KCNQ5: variants seen among roughly 807,000 people sequenced by gnomAD.
The protein encoded by KCNQ5 is potassium voltage-gated channel subfamily Q member 5.
Under a neutral mutation model 98.2 loss-of-function variants are expected in KCNQ5, and 30 were observed. The observed-to-expected ratio is 0.31, with a 90% CI of 0.23 to 0.41. The LOEUF is 0.41. KCNQ5 is among the 10% of genes least tolerant of loss of function. The pLI, the probability that KCNQ5 is intolerant of heterozygous loss-of-function variation, is 1.00. For missense variants in KCNQ5, 835 were observed against 1,182.5 expected (o/e 0.71, Z 4.31); for synonymous variants, 458 against 449.4 (o/e 1.02, Z -0.24).
At chr6:72,976,911 T>C (rs886282457) in intron 1 of KCNQ5, among the ~76,000 whole-genome samples, 3 of 152,238 alleles carry the variant, frequency 2.0e-5, no homozygotes, top group African/African-American at 7.2e-5. Flanking sequence ...ATTCTTCAAA[T>C]GGGTTTGCTT....
At chr6:72,806,780 G>A (rs189528150) in intron 1 of KCNQ5, 38 of 449,564 alleles carry the variant, frequency 8.5e-5, no homozygotes, top group South Asian at 2.8e-4. Context: ...AGCCAAACCC[G>A]TTTTTGCTCC....
rs1375705883 is a variant in KCNQ5 at position 72,799,307 on chromosome 6, C to T, written c.398+176720C>T. On this transcript the variant is annotated intron_variant, in intron 1 of 13. Transcript: ENST00000370398. ...ATTGAATGAGGCCCATCCACCCTGT[C>T]AAGGTAATCTCCTTTGCTTAAAGTC... Among the ~76,000 whole-genome samples the T allele has an allele frequency of 2.6e-5, 4 of 152,168 alleles. No homozygotes were observed. In the East Asian group the frequency reaches 7.7e-4, roughly 29 times the overall value.
chr6:73,056,466 G>A (rs180844258), intron 3 of KCNQ5, among the ~76,000 whole-genome samples: 132 of 152,206 alleles, frequency 8.7e-4, no homozygotes, highest in Admixed American at 1.7e-3. Flanking sequence ...GGTTTCTCGT[G>A]GTGGTTGAAA....
chr6:72,894,425 C>T (rs2150185980), intron 1 of KCNQ5, among the ~76,000 whole-genome samples: 1 of 152,286 alleles, frequency 6.6e-6, no homozygotes, highest in Admixed American at 6.5e-5. Context: ...TGGCATTGAG[C>T]TCTGATAGAA....
At chr6:72,936,641 C>A (rs1255986107) in intron 1 of KCNQ5, among the ~76,000 whole-genome samples, 2 of 152,182 alleles carry the variant, frequency 1.3e-5, no homozygotes, top group Non-Finnish European at 2.9e-5. Flanking sequence ...CAATCTCTTA[C>A]AACTGAAATT....
intron 1 of KCNQ5, among the ~76,000 whole-genome samples, chr6:72,892,743 T>G (rs2150184264): frequency 6.6e-6 from 1 of 152,236 alleles, no homozygotes; most frequent in Middle Eastern, 3.4e-3. Flanking sequence ...GTATCTTATA[T>G]CCTGGATGTT....
At chr6:73,063,553 G>A (rs536889970) in intron 3 of KCNQ5, among the ~76,000 whole-genome samples, 136 of 152,114 alleles carry the variant, frequency 8.9e-4, no homozygotes, top group African/African-American at 2.9e-3. Context: ...GTGCCAGTGA[G>A]GGAAAATTTT....
intron 6 of KCNQ5, among the ~76,000 whole-genome samples, chr6:73,108,695 C>T (rs1015211335): frequency 5.3e-5 from 8 of 151,916 alleles, no homozygotes; most frequent in Non-Finnish European, 7.4e-5. Context: ...GGCGTGGTGG[C>T]GGGCACCTGT....
chr6:72,767,505 A>G (rs1772638019), intron 1 of KCNQ5, among the ~76,000 whole-genome samples: 2 of 152,024 alleles, frequency 1.3e-5, no homozygotes, highest in South Asian at 4.1e-4. Context: ...ATCAAAGTTA[A>G]AAAATTTTTG....
At chr6:73,034,887 C>T (rs1030343484) in intron 2 of KCNQ5, among the ~76,000 whole-genome samples, 4 of 148,296 alleles carry the variant, frequency 2.7e-5, no homozygotes, top group Admixed American at 1.4e-4. Flanking sequence ...GCTCTGTTGC[C>T]CAAGCTGGAG....
intron 1 of KCNQ5, among the ~76,000 whole-genome samples, chr6:72,973,154 GC>G (rs2150286750): frequency 6.6e-6 from 1 of 152,238 alleles, no homozygotes; most frequent in African/African-American, 2.4e-5. Flanking sequence ...GCAATAAATG[GC>G]CCTCAATTAA....
intron 1 of KCNQ5, among the ~76,000 whole-genome samples, chr6:72,654,951 A>G (rs1766069992): frequency 6.6e-6 from 1 of 152,136 alleles, no homozygotes; most frequent in Non-Finnish European, 1.5e-5. Flanking sequence ...CACAACATGT[A>G]GTAAACCAGA....
intron 2 of KCNQ5, among the ~76,000 whole-genome samples, chr6:73,011,165 A>C (rs543683734): frequency 3.3e-4 from 51 of 152,244 alleles, no homozygotes; most frequent in African/African-American, 9.1e-4. Flanking sequence ...TTCCTATAAC[A>C]TTATGAATGT....
chr6:73,061,497 T>G (rs1384058679), intron 3 of KCNQ5, among the ~76,000 whole-genome samples: 1 of 152,168 alleles, frequency 6.6e-6, no homozygotes, highest in Admixed American at 6.5e-5. Context: ...GCTCATATTA[T>G]GTACAGTTGT....
intron 1 of KCNQ5, among the ~76,000 whole-genome samples, chr6:72,779,624 T>A (rs1373574236): frequency 1.3e-5 from 2 of 152,048 alleles, no homozygotes; most frequent in African/African-American, 4.8e-5. Context: ...AAGATTAAAC[T>A]AAGCGGGAGG....
chr6:73,147,460 T>A (rs1776969590), intron 10 of KCNQ5, among the ~76,000 whole-genome samples: 1 of 152,148 alleles, frequency 6.6e-6, no homozygotes, highest in Admixed American at 6.5e-5. Flanking sequence ...AGTCCTTTAT[T>A]CCTTGGAGTG....
At chr6:72,998,827 T>TA (rs71673272) in intron 1 of KCNQ5, among the ~76,000 whole-genome samples, 13,565 of 152,160 alleles carry the variant, frequency 0.089, 735 homozygotes, top group Middle Eastern at 0.18. Flanking sequence ...ATGGAACACT[T>TA]ACAGTCTGCC....
chr6:72,702,491 G>A (rs1245392601), intron 1 of KCNQ5, among the ~76,000 whole-genome samples: 2 of 152,156 alleles, frequency 1.3e-5, no homozygotes, highest in Admixed American at 6.5e-5. Flanking sequence ...AAAGTATTAA[G>A]TGCCTGGAAT....
chr6:73,075,426 T>C (rs1323894126), intron 3 of KCNQ5, among the ~76,000 whole-genome samples: 1 of 152,114 alleles, frequency 6.6e-6, no homozygotes, highest in East Asian at 1.9e-4. Context: ...TTTCACCATG[T>C]TGGCCAGGAT....
Sources: allele counts gnomAD v4.1 joint callset (sites outside exome capture counted in the v4.1 genomes callset), GRCh38; gene constraint gnomAD v4.1.1; transcripts MANE v1.5; gene names NCBI Gene and HGNC (gene_info 2026-07-23, HGNC 2026-07-21).